The following RGS8 variants were observed in gnomAD, a reference collection of about 807,000 sequenced individuals.
RGS8 encodes the protein regulator of G protein signaling 8.
Under a neutral mutation model 21.7 loss-of-function variants are expected in RGS8, and 8 were observed. The observed-to-expected ratio is 0.37, with a 90% confidence interval of 0.22 to 0.66. The LOEUF is 0.66. RGS8 is among the 30% of genes least tolerant of loss of function. RGS8 has a pLI of 0.59. For synonymous variants in RGS8, 80 were observed against 83.6 expected (o/e 0.96, Z 0.24); for missense variants, 157 against 217.9 (o/e 0.72, Z 1.76).
chr1:182,669,774 T>C, intron 2 of RGS8, 22 bp from the exon 4 acceptor site: 1 of 1,555,718 alleles, frequency 6.4e-7, no homozygotes, highest in Non-Finnish European at 8.7e-7. Context: ...GAATCTGCTG[T>C]AAGAGGGGCC....
chr1:182,745,467 A>T, the RGS8 span, among the ~76,000 whole-genome samples: 1 of 152,234 alleles, frequency 6.6e-6, no homozygotes, highest in African/African-American at 2.4e-5. Context: ...TTAAAGCAGA[A>T]CCTTGATCGG....
At position 182,684,424 on chromosome 1, in the gene RGS8, G is replaced by A. The variant is rs1381239910; in HGVS notation, n.153C>T. 3.9e-5 allele frequency: 6 copies of A among 152,500 alleles called. No homozygotes were observed. The East Asian group carries it at 9.6e-4, about 24-fold the overall frequency. The allele number at this position is 152,500 out of a possible 1,614,324, so 9.4% of individuals were successfully genotyped here. On this transcript the variant is annotated non_coding_transcript_exon_variant, in exon 1 of 5. Transcript: ENST00000515211. The surrounding 1 kb of genome is among the most constrained non-coding windows in gnomAD (Gnocchi z 4.2). ...CCCCAGCTGGGCATGGTTCGGTGAGGCCCTGAGTGATAGAGTCAGCCACCT... is the reference window on the plus strand; with the variant it reads ...CCCCAGCTGGGCATGGTTCGGTGAGACCCTGAGTGATAGAGTCAGCCACCT...
the RGS8 span, among the ~76,000 whole-genome samples, chr1:182,705,796 G>A: frequency 3.3e-5 from 5 of 152,216 alleles, no homozygotes; most frequent in Middle Eastern, 3.4e-3. Flanking sequence ...CAGAAATGGC[G>A]TTTGTGCCCC....
the RGS8 span, among the ~76,000 whole-genome samples, chr1:182,699,055 A>G: frequency 6.6e-6 from 1 of 152,176 alleles, no homozygotes; most frequent in Non-Finnish European, 1.5e-5. Context: ...ATGATTCTGA[A>G]AAGGTTAAGG....
the RGS8 span, among the ~76,000 whole-genome samples, chr1:182,710,770 T>G: frequency 5.3e-5 from 8 of 152,178 alleles, no homozygotes; most frequent in Non-Finnish European, 1.2e-4. Context: ...ACACAGTACC[T>G]GAGAAACAGA....
chr1:182,694,332 G>A, the RGS8 span, among the ~76,000 whole-genome samples: 11 of 152,220 alleles, frequency 7.2e-5, no homozygotes, highest in South Asian at 1.2e-3. Flanking sequence ...TCTTCCCAAA[G>A]GAAGTGCTTA....
chr1:182,721,194 T>C, the RGS8 span, among the ~76,000 whole-genome samples: 1 of 151,614 alleles, frequency 6.6e-6, no homozygotes, highest in Non-Finnish European at 1.5e-5. Flanking sequence ...ACCCCCAATT[T>C]ATTCATTTAC....
At chr1:182,710,581 A>G in the RGS8 span, among the ~76,000 whole-genome samples, 4 of 152,252 alleles carry the variant, frequency 2.6e-5, no homozygotes, top group East Asian at 7.7e-4. Context: ...ACCAATGGGG[A>G]GAAGAGAAGG....
At chr1:182,672,744 T>C (rs1664224311), upstream of RGS8, 41 of 1,567,914 alleles carry the variant, frequency 2.6e-5, no homozygotes, top group South Asian at 4.4e-4. Flanking sequence ...GACTTTTCCT[T>C]TTGTTCTGCC....
chr1:182,684,818 G>A (rs1664659288), upstream of RGS8, among the ~76,000 whole-genome samples: 2 of 152,208 alleles, frequency 1.3e-5, no homozygotes, highest in African/African-American at 4.8e-5. The surrounding 1 kb of genome is among the most constrained non-coding windows in gnomAD (Gnocchi z 4.2). Context: ...AGGGGAAGGT[G>A]AGGGAGGGAA....
At chr1:182,737,281 T>C in the RGS8 span, among the ~76,000 whole-genome samples, 2 of 96,764 alleles carry the variant, frequency 2.1e-5, no homozygotes, top group East Asian at 5.7e-4. Flanking sequence ...CTTAATCTCA[T>C]AGGTAAAAAA....
intron 5 of RGS8, among the ~76,000 whole-genome samples, chr1:182,662,959 G>C (rs1435344376): frequency 5.3e-4 from 80 of 152,146 alleles, no homozygotes; most frequent in African/African-American, 1.9e-3. Flanking sequence ...ATGGGGAGGG[G>C]GGGAAATAAT....
chr1:182,739,543 C>T, the RGS8 span, among the ~76,000 whole-genome samples: 1 of 152,088 alleles, frequency 6.6e-6, no homozygotes, highest in Non-Finnish European at 1.5e-5. Flanking sequence ...AAGAATAAAC[C>T]AAATTGTTCA....
At chr1:182,655,043 C>T (rs1170310247) in intron 5 of RGS8, among the ~76,000 whole-genome samples, 2 of 152,208 alleles carry the variant, frequency 1.3e-5, no homozygotes, top group Non-Finnish European at 2.9e-5. Context: ...GTTTATGAAT[C>T]TTATGGTACT....
chr1:182,683,982 T>C (rs1664624971), intron 1 of RGS8, among the ~76,000 whole-genome samples: 1 of 152,194 alleles, frequency 6.6e-6, no homozygotes, highest in African/African-American at 2.4e-5. Context: ...ATCGTCCAGA[T>C]ATCAACCTAC....
At chr1:182,721,052 T>C in the RGS8 span, among the ~76,000 whole-genome samples, 239 of 81,252 alleles carry the variant, frequency 2.9e-3, 6 homozygotes, top group African/African-American at 0.012. Context: ...TATACATACA[T>C]ATATATGTGT....
upstream of RGS8, chr1:182,672,210 G>T (rs1664202842): frequency 5.7e-6 from 1 of 174,858 alleles, no homozygotes; most frequent in Non-Finnish European, 1.2e-5. Flanking sequence ...CCCCGCTGCT[G>T]GCTGAAGGTT....
At chr1:182,736,272 G>T in the RGS8 span, among the ~76,000 whole-genome samples, 1 of 152,210 alleles carries the variant, frequency 6.6e-6, no homozygotes, top group Non-Finnish European at 1.5e-5. Flanking sequence ...TTAAGGAACT[G>T]TCCCCAAAAA....
At chr1:182,739,870 G>A in the RGS8 span, among the ~76,000 whole-genome samples, 1 of 152,158 alleles carries the variant, frequency 6.6e-6, no homozygotes, top group Non-Finnish European at 1.5e-5. Context: ...AATCTAAGCA[G>A]GGAAGGGAAG....
Sources: allele counts gnomAD v4.1 joint callset (sites outside exome capture counted in the v4.1 genomes callset), GRCh38; gene constraint gnomAD v4.1.1; non-coding constraint Gnocchi (gnomAD v3.1); transcripts MANE v1.5; gene names NCBI Gene and HGNC (gene_info 2026-07-23, HGNC 2026-07-21).